SLC8A1: variants seen among roughly 807,000 people sequenced by gnomAD.
SLC8A1 encodes the protein sodium/calcium exchanger 1.
SLC8A1 carries 18 observed loss-of-function variants against 68.3 expected under a neutral mutation model. The ratio of observed to expected loss-of-function variants is 0.26; its 90% CI spans 0.18 to 0.39. SLC8A1 has a LOEUF of 0.39. Ranked by LOEUF, SLC8A1 falls within the 10% of genes least tolerant of loss-of-function variation. The pLI is 1.00. For missense variants in SLC8A1, 985 were observed against 1,156.7 expected (o/e 0.85, Z 2.15); for synonymous variants, 475 against 415.5 (o/e 1.14, Z -1.74).
At chr2:40,306,362 G>A (rs1337325293) in intron 2 of SLC8A1, among the ~76,000 whole-genome samples, 5 of 151,906 alleles carry the variant, frequency 3.3e-5, no homozygotes, top group African/African-American at 9.7e-5. Flanking sequence ...CAGGAATTGA[G>A]AAGGGTCTGA....
chr2:40,398,400 A>G (rs1192189317), intron 2 of SLC8A1, among the ~76,000 whole-genome samples: 2 of 152,188 alleles, frequency 1.3e-5, no homozygotes, highest in African/African-American at 2.4e-5. Context: ...TATTGGTGGT[A>G]TATTTGTTTT....
intron 2 of SLC8A1, among the ~76,000 whole-genome samples, chr2:40,317,842 A>G (rs898548442): frequency 6.6e-6 from 1 of 152,104 alleles, no homozygotes; most frequent in African/African-American, 2.4e-5. Flanking sequence ...TGAAATTTAC[A>G]TTTTATTTTC....
At chr2:40,122,202 G>GCA (rs57062710) in intron 7 of SLC8A1, among the ~76,000 whole-genome samples, 2 of 57,824 alleles carry the variant, frequency 3.5e-5, no homozygotes, top group South Asian at 1.1e-3. Flanking sequence ...GTGCATGCGC[G>GCA]CGCGCACACA....
intron 4 of SLC8A1, among the ~76,000 whole-genome samples, chr2:40,170,753 G>A (rs1431498673): frequency 6.6e-6 from 1 of 152,188 alleles, no homozygotes; most frequent in Non-Finnish European, 1.5e-5. Flanking sequence ...CTTCATGACT[G>A]AATTGAAGTA....
In SLC8A1 at chr2:40,139,821, G is replaced by A. The variant is rs2041223137; in HGVS notation, c.2162-145C>T. On this transcript the variant is annotated intron_variant, in intron 6 of 7. Transcript: ENST00000406785. ...GTGGGTGAAGTTTAGGGTTTTCCAA[G>A]AGTTAATCATAACTAATGAATTAGT... The A allele has an allele frequency of 3.8e-6, 3 of 798,004 alleles. No homozygotes were observed. In the South Asian group the frequency reaches 5.2e-5, roughly 14 times the overall value. The allele number at this position is 798,004 out of a possible 1,614,324, so 49.4% of individuals were successfully genotyped here.
intron 2 of SLC8A1, among the ~76,000 whole-genome samples, chr2:40,275,270 CAG>C (rs1370630434): frequency 1.3e-5 from 2 of 152,154 alleles, no homozygotes; most frequent in African/African-American, 4.8e-5. Context: ...ACCTACAGGA[CAG>C]AGAGGCCATA....
chr2:40,408,933 T>G (rs1691256715), intron 2 of SLC8A1, among the ~76,000 whole-genome samples: 1 of 151,406 alleles, frequency 6.6e-6, no homozygotes, highest in African/African-American at 2.4e-5. Flanking sequence ...AAAAGAAAGA[T>G]AAGAGAAAAA....
intron 2 of SLC8A1, among the ~76,000 whole-genome samples, chr2:40,384,687 G>A (rs1185285729): frequency 1.3e-5 from 2 of 151,962 alleles, no homozygotes; most frequent in African/African-American, 2.4e-5. Context: ...GTATCAGGGA[G>A]GTTTTGTTAA....
chr2:40,485,177 C>T (rs1055068081), intron 1 of SLC8A1, among the ~76,000 whole-genome samples: 6 of 152,024 alleles, frequency 3.9e-5, no homozygotes, highest in African/African-American at 9.7e-5. Flanking sequence ...TCCACCTTCA[C>T]GCCGCAGACA....
intron 2 of SLC8A1, among the ~76,000 whole-genome samples, chr2:40,346,088 G>GA: frequency 1.4e-5 from 1 of 72,994 alleles, no homozygotes; most frequent in East Asian, 3.8e-4. Flanking sequence ...GAAAGAAAAA[G>GA]AAAACCCTCA....
chr2:40,119,609 G>C (rs997381343), intron 7 of SLC8A1, among the ~76,000 whole-genome samples: 1 of 152,120 alleles, frequency 6.6e-6, no homozygotes, highest in Non-Finnish European at 1.5e-5. Flanking sequence ...TACTGCCTTG[G>C]GTTTGAAGGG....
chr2:40,466,511 T>G (rs556608575), intron 1 of SLC8A1, among the ~76,000 whole-genome samples: 74 of 152,314 alleles, frequency 4.9e-4, no homozygotes, highest in African/African-American at 1.8e-3. Context: ...ATATGTAGTT[T>G]CAGTTCTGCT....
chr2:40,481,538 T>C (rs568821517), intron 1 of SLC8A1, among the ~76,000 whole-genome samples: 4 of 152,340 alleles, frequency 2.6e-5, no homozygotes, highest in South Asian at 2.1e-4. Flanking sequence ...GGATGTCTGA[T>C]AACTGTTAGA....
At chr2:40,489,483 C>T (rs577994381) in intron 1 of SLC8A1, among the ~76,000 whole-genome samples, 2 of 151,996 alleles carry the variant, frequency 1.3e-5, no homozygotes, top group Non-Finnish European at 2.9e-5. Context: ...TTTCACCCAC[C>T]GAAAAGTCTG....
chr2:40,431,976 G>T (rs1225308994), intron 1 of SLC8A1, among the ~76,000 whole-genome samples: 1 of 152,002 alleles, frequency 6.6e-6, no homozygotes, highest in Non-Finnish European at 1.5e-5. Context: ...ATCAGAGGAG[G>T]GTTATAGCAG....
In SLC8A1 at chr2:40,306,112, C is replaced by T. The variant is rs148824651; in HGVS notation, c.1808+122361G>A. ...TATACAGATGCATTTGACATCTCACCATGCATACATAGAAAGGCAAACCAG... is the reference window on the plus strand; with the variant it reads ...TATACAGATGCATTTGACATCTCACTATGCATACATAGAAAGGCAAACCAG... On this transcript the variant is annotated intron_variant, in intron 2 of 7. Coordinates refer to ENST00000406785, the Ensembl canonical transcript of SLC8A1. 6.1e-3 allele frequency among the ~76,000 whole-genome samples: 935 copies of T among 152,292 alleles called. 6 individuals carry two copies. The highest frequency in any genetic ancestry group is 8.3e-3 in the Non-Finnish European group (565 of 68,034).
intron 1 of SLC8A1, among the ~76,000 whole-genome samples, chr2:40,432,545 A>C (rs967983629): frequency 6.6e-6 from 1 of 150,912 alleles, no homozygotes; most frequent in South Asian, 2.1e-4. Flanking sequence ...AGTTTTGTGG[A>C]TATCTGTAGG....
chr2:40,172,307 C>A (rs1156340518), intron 4 of SLC8A1, among the ~76,000 whole-genome samples: 1 of 152,170 alleles, frequency 6.6e-6, no homozygotes, highest in African/African-American at 2.4e-5. Flanking sequence ...ATGGACAGGC[C>A]AGTGTAGAAA....
intron 2 of SLC8A1, among the ~76,000 whole-genome samples, chr2:40,295,054 A>G (rs531679951): frequency 6.6e-6 from 1 of 152,304 alleles, no homozygotes; most frequent in Non-Finnish European, 1.5e-5. Context: ...GATAATCCAT[A>G]AAGTTGTTTA....
Sources: gnomAD v4.1 joint callset for allele counts (sites outside exome capture counted in the v4.1 genomes callset) on GRCh38, gnomAD v4.1.1 for gene constraint, MANE v1.5 for transcripts, NCBI Gene and HGNC (gene_info 2026-07-23, HGNC 2026-07-21) for gene names.